The following QTMAN variants were observed in gnomAD, a reference collection of about 807,000 sequenced individuals.
QTMAN encodes the protein tRNA-queuosine alpha-mannosyltransferase.
the QTMAN span, among the ~76,000 whole-genome samples, chr2:143,967,964 C>T: frequency 2.0e-5 from 3 of 152,130 alleles, no homozygotes; most frequent in African/African-American, 7.2e-5. Flanking sequence ...ACAGTAAATG[C>T]TATCTAAGAA....
At chr2:144,103,055 C>A in the QTMAN span, among the ~76,000 whole-genome samples, 73 of 152,222 alleles carry the variant, frequency 4.8e-4, 2 homozygotes, top group South Asian at 0.015. Context: ...ATCTGAAAAC[C>A]AGTCGTTATA....
the QTMAN span, among the ~76,000 whole-genome samples, chr2:144,112,919 C>T: frequency 6.6e-6 from 1 of 152,044 alleles, no homozygotes; most frequent in Admixed American, 6.6e-5. Flanking sequence ...ACGTCCACCC[C>T]CATCTCACAA....
At chr2:143,967,522 G>T in the QTMAN span, among the ~76,000 whole-genome samples, 1 of 151,946 alleles carries the variant, frequency 6.6e-6, no homozygotes, top group Non-Finnish European at 1.5e-5. Context: ...GTAAAGATGG[G>T]GTTTCACCAT....
chr2:144,316,432 T>C, the QTMAN span, among the ~76,000 whole-genome samples: 2 of 152,200 alleles, frequency 1.3e-5, no homozygotes, highest in East Asian at 3.8e-4. Context: ...TAGTCAGCTT[T>C]GTATCAGATG....
At chr2:144,232,297 T>A in the QTMAN span, among the ~76,000 whole-genome samples, 5 of 152,216 alleles carry the variant, frequency 3.3e-5, no homozygotes, top group African/African-American at 1.2e-4. Flanking sequence ...ATACTGCTGA[T>A]ACACCTCTGT....
the QTMAN span, among the ~76,000 whole-genome samples, chr2:144,031,803 G>A: frequency 5.9e-5 from 9 of 151,970 alleles, no homozygotes; most frequent in Non-Finnish European, 1.3e-4. Flanking sequence ...TGTCACCCAG[G>A]CTGGAGTCAG....
chr2:144,158,669 C>G, the QTMAN span, among the ~76,000 whole-genome samples: 1 of 151,888 alleles, frequency 6.6e-6, no homozygotes, highest in Non-Finnish European at 1.5e-5. Context: ...GCAACAGATA[C>G]ATTACTTCAG....
the QTMAN span, among the ~76,000 whole-genome samples, chr2:144,181,037 C>T: frequency 6.6e-6 from 1 of 152,112 alleles, no homozygotes; most frequent in South Asian, 2.1e-4. Flanking sequence ...TCTGACATGA[C>T]ATTGTATTTA....
the QTMAN span, chr2:144,011,838 G>A: frequency 7.2e-6 from 4 of 558,226 alleles, no homozygotes; most frequent in East Asian, 1.5e-4. Context: ...AAAAGGTCCC[G>A]AGGTAAGAAG....
chr2:144,250,628 A>C, the QTMAN span, among the ~76,000 whole-genome samples: 1 of 151,972 alleles, frequency 6.6e-6, no homozygotes, highest in Non-Finnish European at 1.5e-5. Flanking sequence ...GTGTGAAAGT[A>C]TTACTTTACA....
chr2:144,142,868 TAA>T, the QTMAN span, among the ~76,000 whole-genome samples: 1 of 151,978 alleles, frequency 6.6e-6, no homozygotes, highest in African/African-American at 2.4e-5. Flanking sequence ...GGTTCAAACT[TAA>T]GATTTTTTAA....
chr2:144,058,108 A>C, the QTMAN span, among the ~76,000 whole-genome samples: 1 of 141,210 alleles, frequency 7.1e-6, no homozygotes, highest in Non-Finnish European at 1.5e-5. Flanking sequence ...AAAGAAAGAA[A>C]GAACCCCCCT....
chr2:144,324,272 A>G, the QTMAN span, among the ~76,000 whole-genome samples: 4 of 152,300 alleles, frequency 2.6e-5, no homozygotes, highest in African/African-American at 9.6e-5. Flanking sequence ...TCAATTGAGT[A>G]AGACCTCTAT....
At chr2:143,959,785 T>C in the QTMAN span, among the ~76,000 whole-genome samples, 1 of 152,114 alleles carries the variant, frequency 6.6e-6, no homozygotes, top group Non-Finnish European at 1.5e-5. Flanking sequence ...AATAAATATA[T>C]CAAAATGGAT....
chr2:143,958,223 T>C, the QTMAN span, among the ~76,000 whole-genome samples: 1 of 152,110 alleles, frequency 6.6e-6, no homozygotes, highest in African/African-American at 2.4e-5. Flanking sequence ...TAATTTCCAC[T>C]TTCTAAGTAA....
chr2:143,954,534 T>C, the QTMAN span, among the ~76,000 whole-genome samples: 3 of 152,194 alleles, frequency 2.0e-5, no homozygotes, highest in African/African-American at 7.2e-5. Flanking sequence ...TTATTTGATT[T>C]AGGAAGAAAA....
At chr2:144,046,742 T>C in the QTMAN span, among the ~76,000 whole-genome samples, 6,926 of 152,304 alleles carry the variant, frequency 0.045, 519 homozygotes, top group African/African-American at 0.16. Flanking sequence ...ACTAGTGTCA[T>C]TGTTGTCTCT....
chr2:143,952,808 C>T, the QTMAN span: 1 of 1,609,400 alleles, frequency 6.2e-7, no homozygotes, highest in Non-Finnish European at 8.5e-7. Context: ...ATCTTTAGGA[C>T]AAAGTGGGTA....
At chr2:144,034,100 A>G in the QTMAN span, among the ~76,000 whole-genome samples, 1 of 152,154 alleles carries the variant, frequency 6.6e-6, no homozygotes, top group Non-Finnish European at 1.5e-5. Context: ...AACTAGGGTG[A>G]ATGGGTGTAA....
Sources: allele counts gnomAD v4.1 joint callset (sites outside exome capture counted in the v4.1 genomes callset), GRCh38; gene constraint gnomAD v4.1.1; transcripts MANE v1.5; gene names NCBI Gene and HGNC (gene_info 2026-07-23, HGNC 2026-07-21).